Variants in CSTPP1 observed in about 807,000 individuals in gnomAD.
CSTPP1 encodes the protein centriolar satellite-associated tubulin polyglutamylase complex regulator 1, also known as UPF0705 protein C11orf49.
chr11:47,137,436 G>C, the CSTPP1 span: 1 of 1,513,152 alleles, frequency 6.6e-7, no homozygotes, highest in Non-Finnish European at 8.8e-7. Context: ...TGGTGTAACT[G>C]GATGCCTCCC....
chr11:47,125,917 T>C, the CSTPP1 span, among the ~76,000 whole-genome samples: 2 of 151,844 alleles, frequency 1.3e-5, no homozygotes, highest in African/African-American at 4.8e-5. Flanking sequence ...CATGGGAGGC[T>C]GAGGCATGAG....
chr11:47,067,134 G>C, the CSTPP1 span, among the ~76,000 whole-genome samples: 1 of 152,134 alleles, frequency 6.6e-6, no homozygotes, highest in East Asian at 1.9e-4. Flanking sequence ...AATACTAATA[G>C]ATTTGTTTTT....
At chr11:46,977,525 C>T in the CSTPP1 span, among the ~76,000 whole-genome samples, 1 of 152,274 alleles carries the variant, frequency 6.6e-6, no homozygotes, top group South Asian at 2.1e-4. Context: ...TGCATGAAGA[C>T]AGAACCTTTG....
chr11:47,114,946 A>C, the CSTPP1 span, among the ~76,000 whole-genome samples: 1 of 152,192 alleles, frequency 6.6e-6, no homozygotes, highest in Non-Finnish European at 1.5e-5. Flanking sequence ...TTGCCCATTC[A>C]GTGTGATATT....
the CSTPP1 span, among the ~76,000 whole-genome samples, chr11:47,065,669 T>C: frequency 6.6e-6 from 1 of 152,120 alleles, no homozygotes; most frequent in African/African-American, 2.4e-5. Context: ...TTTCATGCTA[T>C]TGTAAATGGA....
the CSTPP1 span, chr11:47,041,626 A>C: frequency 4.8e-6 from 2 of 413,020 alleles, no homozygotes; most frequent in East Asian, 8.8e-5. Flanking sequence ...CTTCTTGCTC[A>C]TGCTCAGCAT....
chr11:47,132,044 C>T, the CSTPP1 span, among the ~76,000 whole-genome samples: 1 of 152,034 alleles, frequency 6.6e-6, no homozygotes, highest in Non-Finnish European at 1.5e-5. Flanking sequence ...GAACTGAGCA[C>T]TTGGTGCAAA....
chr11:47,076,372 G>A, the CSTPP1 span, among the ~76,000 whole-genome samples: 1 of 152,176 alleles, frequency 6.6e-6, no homozygotes, highest in Non-Finnish European at 1.5e-5. Context: ...ACAATGAAAT[G>A]ACCAGGTTTC....
the CSTPP1 span, among the ~76,000 whole-genome samples, chr11:47,022,352 T>A: frequency 7.0e-6 from 1 of 143,076 alleles, no homozygotes; most frequent in Non-Finnish European, 1.5e-5. Context: ...ATATCTTTCA[T>A]ATGTCCTTTT....
At chr11:46,947,453 T>C in the CSTPP1 span, among the ~76,000 whole-genome samples, 3 of 152,238 alleles carry the variant, frequency 2.0e-5, no homozygotes, top group Non-Finnish European at 2.9e-5. Flanking sequence ...TACAAATTAC[T>C]GATCCCACTA....
chr11:47,104,519 G>A, the CSTPP1 span, among the ~76,000 whole-genome samples: 1 of 152,132 alleles, frequency 6.6e-6, no homozygotes, highest in Admixed American at 6.5e-5. Context: ...CATTCCCTCT[G>A]TGCAAACTTC....
the CSTPP1 span, among the ~76,000 whole-genome samples, chr11:47,126,214 G>A: frequency 6.6e-6 from 1 of 152,126 alleles, no homozygotes; most frequent in Non-Finnish European, 1.5e-5. Flanking sequence ...GGGCCTGTCA[G>A]TTTGAGGGGA....
chr11:47,092,922 G>A, the CSTPP1 span, among the ~76,000 whole-genome samples: 14 of 152,078 alleles, frequency 9.2e-5, no homozygotes, highest in African/African-American at 2.4e-4. Context: ...AGGGATTTTC[G>A]TCTCTGTTAA....
At chr11:47,018,535 C>T in the CSTPP1 span, among the ~76,000 whole-genome samples, 3 of 151,924 alleles carry the variant, frequency 2.0e-5, no homozygotes, top group Admixed American at 1.3e-4. Context: ...CCTCGTGATC[C>T]ACCTGCCTCT....
chr11:47,157,931 G>C, the CSTPP1 span: 9 of 1,608,892 alleles, frequency 5.6e-6, no homozygotes, highest in African/African-American at 1.3e-5. Context: ...CGGTAAGTCA[G>C]AGCTAAGCAG....
At chr11:46,987,292 C>T in the CSTPP1 span, 3 of 1,613,962 alleles carry the variant, frequency 1.9e-6, no homozygotes, top group Non-Finnish European at 1.7e-6. Flanking sequence ...TATGGAATTG[C>T]CAGGTTCTTC....
At chr11:47,080,880 G>A in the CSTPP1 span, among the ~76,000 whole-genome samples, 1 of 151,784 alleles carries the variant, frequency 6.6e-6, no homozygotes, top group African/African-American at 2.4e-5. Context: ...ATAGTGGTGT[G>A]TGCCTGTAGT....
the CSTPP1 span, chr11:47,161,846 T>A: frequency 1.5e-6 from 2 of 1,364,950 alleles, no homozygotes; most frequent in Non-Finnish European, 1.9e-6. Flanking sequence ...CCTGGCCCTA[T>A]CAGCCTGTGA....
chr11:46,954,802 CTT>C, the CSTPP1 span, among the ~76,000 whole-genome samples: 33 of 137,820 alleles, frequency 2.4e-4, no homozygotes, highest in Admixed American at 4.3e-4. Context: ...CATTTTCTTT[CTT>C]TTTTTTTTTT....
Sources: allele counts gnomAD v4.1 joint callset (sites outside exome capture counted in the v4.1 genomes callset), GRCh38; gene constraint gnomAD v4.1.1; transcripts MANE v1.5; gene names NCBI Gene and HGNC (gene_info 2026-07-23, HGNC 2026-07-21).